The following GIMAP8 variants were observed in gnomAD, a reference collection of about 807,000 sequenced individuals.
GIMAP8 encodes the protein GTPase IMAP family member 8.
A neutral mutation model predicts 35.6 loss-of-function variants in GIMAP8; 29 were observed. That is an observed-to-expected ratio of 0.81 (90% confidence interval 0.61 to 1.11). The LOEUF (loss-of-function observed/expected upper bound fraction) is 1.11, where lower values mean the gene tolerates loss of function less well. Among genes scored for constraint, GIMAP8 ranks in the 50% most tolerant of loss-of-function variants. The pLI is 0.00. For missense variants in GIMAP8, 811 were observed against 805.0 expected, an observed-to-expected ratio of 1.01 and a Z score of -0.09; for synonymous variants, 335 against 308.7, an observed-to-expected ratio of 1.09 and a Z score of -0.89.
At chr7:150,462,378 T>G (rs756689341) in intron 1 of GIMAP8, among the ~76,000 whole-genome samples, 1 of 152,234 alleles carries the variant, frequency 6.6e-6, no homozygotes, top group Non-Finnish European at 1.5e-5. Flanking sequence ...TGGTTTTCTA[T>G]AGTAATAACA....
chr7:150,454,718 A>G (rs982965699), intron 1 of GIMAP8, among the ~76,000 whole-genome samples: 1 of 152,216 alleles, frequency 6.6e-6, no homozygotes, highest in African/African-American at 2.4e-5. Flanking sequence ...TTATACAGAC[A>G]TTGTTCTCTG....
chr7:150,459,563 T>C lies in GIMAP8; in HGVS notation c.-28-7108T>C, dbSNP rs978960872. On this transcript the variant is annotated intron_variant, in intron 1 of 4. Coordinates refer to ENST00000307271, the MANE Select transcript of GIMAP8 (RefSeq NM_175571.4). ...GGGAGAAACAGCATCATATATTGGA[T>C]GCTGATCCGGAGCATATAGAGCCTC... 2.6e-5 allele frequency among the ~76,000 whole-genome samples: 4 copies of C among 152,188 alleles called. No homozygotes were observed. The South Asian group carries it at 8.3e-4, about 32-fold the overall frequency.
At chr7:150,462,965 C>G (rs1168128206) in intron 1 of GIMAP8, among the ~76,000 whole-genome samples, 4 of 152,098 alleles carry the variant, frequency 2.6e-5, no homozygotes, top group Admixed American at 2.6e-4. Flanking sequence ...TTCTGGAACT[C>G]TCAAAATTCA....
intron 4 of GIMAP8, among the ~76,000 whole-genome samples, chr7:150,476,643 T>C (rs1802235356): frequency 6.6e-6 from 1 of 152,250 alleles, no homozygotes; most frequent in South Asian, 2.1e-4. Context: ...TAAGGAGATG[T>C]TGCTATAGTT....
chr7:150,462,118 A>T (rs1000852389), intron 1 of GIMAP8, among the ~76,000 whole-genome samples: 19 of 152,352 alleles, frequency 1.2e-4, no homozygotes, highest in Admixed American at 7.8e-4. Flanking sequence ...AGGGGAGATT[A>T]TAAAGAACCT....
Position 150,477,369 on chromosome 7 carries a change from C to T in GIMAP8, c.1587C>T (p.Val529=), listed in dbSNP as rs753894041. The change falls in exon 5 of 5, where the codon GTC becomes GTT. Residue 529 remains valine (V), a synonymous_variant. Transcript: ENST00000307271. ...SCCEKGDTFF[V]LVFQLGRFTE... ...GTGAAAAAGGGGACACATTTTTTGT[C>T]CTGGTGTTCCAGCTGGGACGATTCA... The T allele has an allele frequency of 1.9e-6, 3 of 1,614,146 alleles. No homozygotes were observed. Among genetic ancestry groups the T allele is most frequent in the South Asian group, 1.1e-5 (1 of 91,086 alleles).
intron 1 of GIMAP8, among the ~76,000 whole-genome samples, chr7:150,452,675 GATATATATATATATATATATATATATAT>G (rs373374121): frequency 1.3e-5 from 1 of 79,658 alleles, no homozygotes; most frequent in East Asian, 4.3e-4. Context: ...GTGTGTGTGA[GATATATATATATATATATATATATATAT>G]ATATATACAT....
chr7:150,462,080 G>A (rs1474575341), intron 1 of GIMAP8, among the ~76,000 whole-genome samples: 1 of 152,176 alleles, frequency 6.6e-6, no homozygotes, highest in Non-Finnish European at 1.5e-5. Flanking sequence ...CAAGGGAGGG[G>A]AGAATTACAA....
chr7:150,453,048 A>C (rs2116581814), intron 1 of GIMAP8, among the ~76,000 whole-genome samples: 1 of 152,196 alleles, frequency 6.6e-6, no homozygotes, highest in South Asian at 2.1e-4. Context: ...TTGGAGTTTC[A>C]GCACATGCTG....
At chr7:150,453,285 C>T (rs746139925) in intron 1 of GIMAP8, among the ~76,000 whole-genome samples, 15 of 152,272 alleles carry the variant, frequency 9.9e-5, no homozygotes, top group Middle Eastern at 3.4e-3. Flanking sequence ...TTGAACCCAC[C>T]GGAAATATTT....
chr7:150,474,420 C>A lies in GIMAP8; in HGVS notation c.1091C>A (p.Thr364Asn). ...TTTGAGTACATGATCATACTTCTTA[C>A]CAGGAAAGAAGATTTAGGGGATCAG... ...KFFEYMIILL[T>N]RKEDLGDQDL... The change falls in exon 4 of 5, where the codon ACC becomes AAC. Residue 364 changes from threonine to asparagine, a missense_variant. Coordinates refer to ENST00000307271, the MANE Select transcript of GIMAP8 (RefSeq NM_175571.4). The A allele has an allele frequency of 6.2e-7, 1 of 1,613,846 alleles. No individual in the cohort carries two copies. Among genetic ancestry groups the A allele is most frequent in the Non-Finnish European group, 8.5e-7 (1 of 1,179,876 alleles).
intron 1 of GIMAP8, among the ~76,000 whole-genome samples, chr7:150,457,900 G>A (rs1389179868): frequency 6.6e-6 from 1 of 152,202 alleles, no homozygotes. Flanking sequence ...TCTTTGAGCT[G>A]CACTCGGCCA....
intron 1 of GIMAP8, among the ~76,000 whole-genome samples, chr7:150,452,667 G>GAGA (rs1320054486): frequency 1.9e-4 from 18 of 96,644 alleles, no homozygotes; most frequent in African/African-American, 7.6e-4. Context: ...GTGTGTGTGT[G>GAGA]TGTGTGAGAT....
At chr7:150,452,099 T>G (rs1801620409) in intron 1 of GIMAP8, among the ~76,000 whole-genome samples, 1 of 152,080 alleles carries the variant, frequency 6.6e-6, no homozygotes, top group Non-Finnish European at 1.5e-5. Context: ...CAGTCTTCAG[T>G]GAATTATAGG....
chr7:150,452,054 G>C (rs1009256309), intron 1 of GIMAP8, among the ~76,000 whole-genome samples: 1 of 152,198 alleles, frequency 6.6e-6, no homozygotes, highest in Non-Finnish European at 1.5e-5. Context: ...TTTGCCTTGG[G>C]CTGTTTCCTG....
chr7:150,474,154 C>T lies in GIMAP8; in HGVS notation c.825C>T (p.Thr275=), dbSNP rs76332991. The T allele has an allele frequency of 2.9e-3, 4,725 of 1,614,098 alleles. 98 individuals carry two copies. In the African/African-American group the frequency reaches 0.051, roughly 17 times the overall value. The change falls in exon 4 of 5, where the codon ACC becomes ACT. Residue 275 remains threonine (T), a synonymous_variant. Coordinates refer to ENST00000307271, the MANE Select transcript of GIMAP8 (RefSeq NM_175571.4). ...TTCTGGGGAGGCAGGCCTTTCAGAC[C>T]GGATTTAGTGAGCAGTCAGTAACCC... ...NSILGRQAFQ[T]GFSEQSVTQS...
chr7:150,474,645 CTG>C lies in GIMAP8; in HGVS notation c.1309+10_1309+11del. ...TGTGTTTTCAGAGAAAAAGGTAAAA[CTG>C]TGAATAGGATATATATTTTTACATA... On this transcript the variant is annotated splice_region_variant and intron_variant, in intron 4 of 4. Transcript: ENST00000307271. The C allele has an allele frequency of 1.9e-6, 3 of 1,552,240 alleles. No homozygotes were observed. Among genetic ancestry groups the C allele is most frequent in the Non-Finnish European group, 2.6e-6 (3 of 1,147,396 alleles).
rs370490063 is a variant in GIMAP8 at position 150,464,324 on chromosome 7, T to C, written c.-28-2347T>C. Among the ~76,000 whole-genome samples, 12 of 152,360 alleles carry C rather than the reference T, an allele frequency of 7.9e-5. 1 individual carries two copies. Among genetic ancestry groups the C allele is most frequent in the African/African-American group, 2.9e-4 (12 of 41,584 alleles). On this transcript the variant is annotated intron_variant, in intron 1 of 4. Transcript: ENST00000307271. ...CTTATTTTAAGGACTATGTTATTCTTACTTAATGAAAATATATTTTACAAG... is the reference window on the plus strand; with the variant it reads ...CTTATTTTAAGGACTATGTTATTCTCACTTAATGAAAATATATTTTACAAG...
rs143877186 is a variant in GIMAP8 at position 150,474,278 on chromosome 7, A to G, written c.949A>G (p.Arg317Gly). The G allele has an allele frequency of 6.2e-6, 10 of 1,614,080 alleles. No homozygotes were observed. In the African/African-American group the frequency reaches 1.3e-4, roughly 22 times the overall value. Reference sequence around the variant, plus strand: ...TTTAAAGAACATTGACTCAGAAGTTAGAAAACACATCTGTACAGGCCCCCA... The same window carrying G: ...TTTAAAGAACATTGACTCAGAAGTTGGAAAACACATCTGTACAGGCCCCCA... ...SSLKNIDSEV[R>G]KHICTGPHAF... is the part of the protein sequence containing the mutation. Residue 317 changes from arginine (R) to glycine (G), a missense_variant, in exon 4 of 5, where the codon AGA becomes GGA. Coordinates refer to ENST00000307271, the MANE Select transcript of GIMAP8 (RefSeq NM_175571.4).
Sources: allele counts gnomAD v4.1 joint callset (sites outside exome capture counted in the v4.1 genomes callset), GRCh38; gene constraint gnomAD v4.1.1; transcripts MANE v1.5; gene names NCBI Gene and HGNC (gene_info 2026-07-23, HGNC 2026-07-21).